RXRA: variants seen among roughly 807,000 people sequenced by gnomAD.
RXRA encodes the protein retinoid X receptor alpha, also known as retinoic acid receptor RXR-alpha.
A neutral mutation model predicts 44.5 loss-of-function variants in RXRA; 5 were observed. The observed-to-expected ratio is 0.11, with a 90% confidence interval of 0.06 to 0.24. RXRA has a LOEUF of 0.24. RXRA is among the 10% of genes least tolerant of loss of function. The pLI is 1.00. For synonymous variants in RXRA, 291 were observed against 271.4 expected (o/e 1.07, Z -0.71); for missense variants, 412 against 646.5 (o/e 0.64, Z 3.93).
intron 1 of RXRA, among the ~76,000 whole-genome samples, chr9:134,390,558 G>C (rs552379194): frequency 1.8e-4 from 27 of 152,310 alleles, no homozygotes; most frequent in South Asian, 2.1e-4. Flanking sequence ...AGCCTGACCC[G>C]GGCCCTCAGC....
rs143056622 is a variant in RXRA at position 134,401,734 on chromosome 9, C to T, written c.131C>T (p.Pro44Leu). 2.2e-5 allele frequency: 36 copies of T among 1,613,040 alleles called. No homozygotes were observed. The highest frequency in any genetic ancestry group is 4.4e-5 in the South Asian group (4 of 91,094). Residue 44 changes from proline (P) to leucine (L), a missense_variant, in exon 2 of 10, where the codon CCG (proline) becomes CTG (leucine). This residue lies in a region of RXRA where 156 missense variants were observed against 177.2 expected (regional missense o/e 0.88). Transcript: ENST00000481739. ...HPSLGPGIGSPGQLHSPISTL... is the reference protein window; with the variant it reads ...HPSLGPGIGSLGQLHSPISTL... ...TCCCTGGGGCCTGGCATCGGCTCCC[C>T]GGGACAGCTGCATTCTCCCATCAGC...
intron 9 of RXRA, among the ~76,000 whole-genome samples, chr9:134,436,006 C>T (rs1303001457): frequency 6.6e-6 from 1 of 152,190 alleles, no homozygotes; most frequent in African/African-American, 2.4e-5. Flanking sequence ...CGCCTTGCTA[C>T]TGTTTTTCTC....
chr9:134,434,331 A>C, intron 9 of RXRA, 124 bp downstream of exon 9: 1 of 690,452 alleles, frequency 1.4e-6, no homozygotes, highest in African/African-American at 1.8e-5. Flanking sequence ...AGCCCATGCC[A>C]GCAGGTCCTG....
chr9:134,410,505 C>T (rs777987860), intron 4 of RXRA, among the ~76,000 whole-genome samples: 2 of 152,202 alleles, frequency 1.3e-5, no homozygotes, highest in African/African-American at 2.4e-5. Flanking sequence ...GTGTACCCAG[C>T]CTGGAGAGGT....
At chr9:134,424,291 G>C (rs568002818) in intron 6 of RXRA, 7 of 985,362 alleles carry the variant, frequency 7.1e-6, no homozygotes, top group Non-Finnish European at 7.2e-6. Flanking sequence ...TAGGATGCCT[G>C]GAAAGCCATC....
Position 134,382,268 on chromosome 9 carries a change from G to GGT in RXRA, c.29-19340_29-19339dup, listed in dbSNP as rs145989754. Reference sequence around the variant, plus strand: ...TGGGGAGGAAGGAAGAGGTTTGGGTGGTGTGTGTGTGTGTGTGTGTGTGTG... The same window carrying GGT: ...TGGGGAGGAAGGAAGAGGTTTGGGTGGTGTGTGTGTGTGTGTGTGTGTGTGTG... On this transcript the variant is annotated intron_variant, in intron 1 of 9. Coordinates refer to ENST00000481739, the MANE Select transcript of RXRA (RefSeq NM_002957.6). Among the ~76,000 whole-genome samples, 1,329 of 149,134 alleles carry GGT rather than the reference G, an allele frequency of 8.9e-3. 6 individuals are homozygous for GGT. Among genetic ancestry groups the GGT allele is most frequent in the African/African-American group, 0.018 (720 of 40,630 alleles).
intron 1 of RXRA, among the ~76,000 whole-genome samples, chr9:134,362,283 A>G (rs1830361629): frequency 6.6e-6 from 1 of 150,776 alleles, no homozygotes; most frequent in Admixed American, 6.6e-5. Context: ...TTGACCCTGA[A>G]CCCCCTCCCT....
chr9:134,401,658 C>T lies in RXRA; in HGVS notation c.55C>T (p.Leu19Phe). The T allele has an allele frequency of 6.2e-7, 1 of 1,613,066 alleles. No individual in the cohort carries two copies. The highest frequency in any genetic ancestry group is 1.3e-5 in the African/African-American group (1 of 75,052). Residue 19 changes from leucine (L) to phenylalanine (F), a missense_variant, in exon 2 of 10, where the codon CTC becomes TTC. Around this residue, in one of 4 missense-constraint regions of RXRA, gnomAD observed 156 missense variants for 177.2 expected, o/e 0.88. Transcript: ENST00000481739. ...LDFSTQVNSS[L>F]TSPTGRGSMA... ...TTTCTCCACCCAGGTGAACTCCTCCCTCACCTCCCCGACGGGGCGAGGCTC... is the reference window on the plus strand; with the variant it reads ...TTTCTCCACCCAGGTGAACTCCTCCTTCACCTCCCCGACGGGGCGAGGCTC...
At chr9:134,370,065 C>T (rs929821694) in intron 1 of RXRA, among the ~76,000 whole-genome samples, 10 of 152,162 alleles carry the variant, frequency 6.6e-5, no homozygotes, top group African/African-American at 2.4e-4. Context: ...TGGGGGCTCC[C>T]AGACAGGTGG....
chr9:134,396,952 G>A (rs1034038731), intron 1 of RXRA, among the ~76,000 whole-genome samples: 9 of 152,234 alleles, frequency 5.9e-5, no homozygotes, highest in Non-Finnish European at 1.3e-4. Context: ...CCAGGAGGGG[G>A]CTGGAGTCCT....
At chr9:134,388,286 T>TGTGTGA (rs1830750677) in intron 1 of RXRA, among the ~76,000 whole-genome samples, 1 of 150,888 alleles carries the variant, frequency 6.6e-6, no homozygotes, top group Admixed American at 6.6e-5. Context: ...AGAAGCAGTG[T>TGTGTGA]GTGTGTGAGT....
chr9:134,424,716 G>A (rs1407811683), intron 6 of RXRA: 2 of 985,362 alleles, frequency 2.0e-6, no homozygotes, highest in African/African-American at 3.5e-5. Context: ...CTGGCCAGGT[G>A]GCTGGAGAGG....
At chr9:134,337,226 T>G (rs76964034) in intron 1 of RXRA, among the ~76,000 whole-genome samples, 5,036 of 152,262 alleles carry the variant, frequency 0.033, 284 homozygotes, top group African/African-American at 0.12. Flanking sequence ...AAGCATGTCT[T>G]GTTGAAACTT....
intron 5 of RXRA, among the ~76,000 whole-genome samples, chr9:134,421,247 C>A (rs767842864): frequency 6.6e-6 from 1 of 152,208 alleles, no homozygotes; most frequent in Non-Finnish European, 1.5e-5. Context: ...TGCCGGCTGG[C>A]TCCTGGAGGC....
At chr9:134,345,911 G>A (rs1321167653) in intron 1 of RXRA, among the ~76,000 whole-genome samples, 1 of 152,144 alleles carries the variant, frequency 6.6e-6, no homozygotes, top group African/African-American at 2.4e-5. Context: ...GTGTCCAGAT[G>A]TCCCCTCCTC....
intron 4 of RXRA, among the ~76,000 whole-genome samples, chr9:134,411,793 C>T (rs34739637): frequency 2.1e-4 from 32 of 152,320 alleles, no homozygotes; most frequent in African/African-American, 6.5e-4. Context: ...GTGAGGCCCC[C>T]GTGCCAAACG....
intron 1 of RXRA, among the ~76,000 whole-genome samples, chr9:134,332,539 T>G (rs1588245800): frequency 7.1e-6 from 1 of 141,608 alleles, no homozygotes; most frequent in African/African-American, 2.7e-5. Context: ...GGGGGAGGGG[T>G]GCCCAGAGGT....
rs1230083958 is a variant in RXRA at position 134,400,687 on chromosome 9, AG to A, written c.29-939del. ...AGTGCCAGCCTCCAGGGTGCGGGGC[AG>A]GGGGGCACCTCCTGAAGTGTGGTTG... is the stretch of plus-strand genomic sequence containing the variant. On this transcript the variant is annotated intron_variant, in intron 1 of 9. Transcript: ENST00000481739. Among the ~76,000 whole-genome samples the A allele has an allele frequency of 2.6e-5, 4 of 152,262 alleles. No individual in the cohort carries two copies. The East Asian group carries it at 5.8e-4, about 22-fold the overall frequency.
intron 5 of RXRA, among the ~76,000 whole-genome samples, chr9:134,419,166 C>T (rs922213909): frequency 2.0e-5 from 3 of 152,220 alleles, no homozygotes; most frequent in African/African-American, 7.2e-5. Flanking sequence ...GCACGCATGC[C>T]CTGCCCTGCT....
Sources: allele counts gnomAD v4.1 joint callset (sites outside exome capture counted in the v4.1 genomes callset), GRCh38; gene constraint gnomAD v4.1.1; regional missense constraint gnomAD v4.1.1; transcripts MANE v1.5; gene names NCBI Gene and HGNC (gene_info 2026-07-23, HGNC 2026-07-21).